Variants in DDX17 observed in about 807,000 individuals in gnomAD.
The protein encoded by DDX17 is probable ATP-dependent RNA helicase DDX17.
DDX17 carries 10 observed loss-of-function variants against 80.8 expected under a neutral mutation model. The ratio of observed to expected loss-of-function variants is 0.12; its 90% CI spans 0.08 to 0.21. The LOEUF is 0.21. Ranked by LOEUF, DDX17 falls within the 10% of genes least tolerant of loss-of-function variation. DDX17 has a pLI of 1.00. For synonymous variants in DDX17, 339 were observed against 336.2 expected, an observed-to-expected ratio of 1.01 and a Z score of -0.09; for missense variants, 586 against 957.4, an observed-to-expected ratio of 0.61 and a Z score of 5.12.
At chr22:38,492,242 A>AT (rs1602674540) in intron 10 of DDX17, 127 bp from the exon 11 acceptor site, 1 of 673,096 alleles carries the variant, frequency 1.5e-6, no homozygotes, top group East Asian at 3.0e-5. Context: ...ACTGACAGTG[A>AT]TTCTTTTGAA....
intron 2 of DDX17, 23 bp downstream of exon 2, chr22:38,501,107 T>C: frequency 6.2e-7 from 1 of 1,610,956 alleles, no homozygotes; most frequent in African/African-American, 1.3e-5. Context: ...AATCTGTACA[T>C]TAAAACACAC....
intron 10 of DDX17, 94 bp from the exon 11 acceptor site, chr22:38,492,209 G>GA: frequency 1.9e-6 from 2 of 1,032,274 alleles, no homozygotes; most frequent in Middle Eastern, 2.1e-4. Flanking sequence ...AATGGTGCCA[G>GA]AAAATCCCAA....
chr22:38,492,164 T>C, intron 10 of DDX17, 49 bp from the exon 11 acceptor site: 1 of 1,505,282 alleles, frequency 6.6e-7, no homozygotes, highest in South Asian at 1.2e-5. Context: ...CCTTGCTATC[T>C]GATCTGTTTA....
chr22:38,502,732 G>A (rs747996850), intron 1 of DDX17, among the ~76,000 whole-genome samples: 8 of 152,076 alleles, frequency 5.3e-5, no homozygotes, highest in Non-Finnish European at 8.8e-5. Flanking sequence ...TCCCTATTTC[G>A]ATCTTGTAAA....
At chr22:38,503,240 A>T (rs1971903008) in intron 1 of DDX17, among the ~76,000 whole-genome samples, 1 of 152,216 alleles carries the variant, frequency 6.6e-6, no homozygotes, top group South Asian at 2.1e-4. Flanking sequence ...TTGCAAATGA[A>T]GCAGCTAAAT....
intron 1 of DDX17, 149 bp from the exon 2 acceptor site, chr22:38,501,429 G>T: frequency 1.0e-6 from 1 of 988,830 alleles, no homozygotes; most frequent in Non-Finnish European, 1.4e-6. Context: ...TTAAAGGTAT[G>T]GAGAAATGTG....
intron 9 of DDX17, 60 bp downstream of exon 9, chr22:38,493,961 A>C: frequency 7.1e-7 from 1 of 1,415,726 alleles, no homozygotes; most frequent in Non-Finnish European, 9.8e-7. Flanking sequence ...TGGAATACCA[A>C]TTTAGAAATT....
At position 38,485,815 on chromosome 22, in the gene DDX17, A is replaced by T. The variant is rs117636312; in HGVS notation, c.*120T>A. On this transcript the variant is annotated 3_prime_UTR_variant, in exon 13 of 13. Transcript: ENST00000403230. ...CAAATCACGATGGTTGGGGGGAAAA[A>T]TTAAAAAAAAAAAAAGAAAAAAGGA... The T allele has an allele frequency of 4.6e-5, 53 of 1,146,172 alleles. No homozygotes were observed. The highest frequency in any genetic ancestry group is 4.9e-5 in the Non-Finnish European group (44 of 898,412). 71.0% of individuals were successfully genotyped at this position (1,146,172 alleles called of 1,614,324 possible).
At position 38,493,434 on chromosome 22, in the gene DDX17, G is replaced by A. The variant is rs2089732193; in HGVS notation, c.1387+276C>T. ...ACTCCTGGGCCTAGGTGATCCACGC[G>A]CCTCAGCCTCCCAAAGTGTTAGGAT... On this transcript the variant is annotated intron_variant, in intron 10 of 12. Coordinates refer to ENST00000403230, the MANE Select transcript of DDX17 (RefSeq NM_006386.5). 15 of 323,918 alleles carry A rather than the reference G, an allele frequency of 4.6e-5. No homozygotes were observed. In the South Asian group the frequency reaches 7.2e-4, roughly 16 times the overall value. The allele number at this position is 323,918 out of a possible 1,614,324, so 20.1% of individuals were successfully genotyped here. A position where few individuals can be genotyped will look rare whatever the true frequency, so the allele number is the denominator to read the frequency against.
Position 38,503,907 on chromosome 22 carries a change from G to C in DDX17, c.287+2044C>G, listed in dbSNP as rs535434770. On this transcript the variant is annotated intron_variant, in intron 1 of 12. Transcript: ENST00000403230. The stretch of plus-strand genomic sequence containing the variant: ...AAGAACATTTCTTGGGAAAGGGAGA[G>C]TTGGGGCACAGATCTTATGAAAGAA... 1.8e-3 allele frequency among the ~76,000 whole-genome samples: 273 copies of C among 152,316 alleles called. 2 individuals carry two copies. Among genetic ancestry groups the C allele is most frequent in the African/African-American group, 5.9e-3 (246 of 41,560 alleles).
intron 4 of DDX17, 49 bp from the exon 5 acceptor site, chr22:38,498,199 T>C (rs2089789818): frequency 6.3e-7 from 1 of 1,576,496 alleles, no homozygotes; most frequent in African/African-American, 1.4e-5. Flanking sequence ...AGTACAATCT[T>C]ACTTAGATAC....
chr22:38,495,074 A>C (rs760887542), intron 6 of DDX17, 28 bp from the exon 7 acceptor site: 2 of 1,602,204 alleles, frequency 1.2e-6, no homozygotes, highest in South Asian at 2.2e-5. Flanking sequence ...TGATCGAGCC[A>C]ATCGACTAGG....
intron 9 of DDX17, 38 bp from the exon 10 acceptor site, chr22:38,493,809 T>C: frequency 6.3e-7 from 1 of 1,596,830 alleles, no homozygotes. Context: ...TAAAAATCTT[T>C]TAAAGTGGAG....
At chr22:38,505,189 C>CT (rs1371378463) in intron 1 of DDX17, 1 of 152,222 alleles carries the variant, frequency 6.6e-6, no homozygotes, top group Non-Finnish European at 1.5e-5. Context: ...GATTACAGGC[C>CT]TGAGGCACCA....
At position 38,486,130 on chromosome 22, in the gene DDX17, G is replaced by A. The variant is rs2089656383; in HGVS notation, c.1995C>T (p.Thr665=). The change falls in exon 13 of 13, where the codon ACC becomes ACT. Residue 665 remains threonine (T), a synonymous_variant. Coordinates refer to ENST00000403230, the MANE Select transcript of DDX17 (RefSeq NM_006386.5). ...TCTGTGAACTTCTCCCAGTTGAGGT[G>A]GTGCTACTAGCTCCATAAGTGCCAG... The A allele has an allele frequency of 1.9e-6, 3 of 1,614,182 alleles. No individual in the cohort carries two copies. Among genetic ancestry groups the A allele is most frequent in the Non-Finnish European group, 2.5e-6 (3 of 1,180,038 alleles).
In DDX17 at chr22:38,506,039, T is replaced by A; in HGVS notation, c.199A>T (p.Ile67Phe). 1.3e-6 allele frequency: 2 copies of A among 1,587,490 alleles called. No individual in the cohort carries two copies. Among genetic ancestry groups the A allele is most frequent in the Non-Finnish European group, 8.6e-7 (1 of 1,167,778 alleles). The change falls in exon 1 of 13, where the codon ATC becomes TTC. Residue 67 changes from isoleucine to phenylalanine, a missense_variant. Physicochemically the swap from Ile to Phe is conservative, Grantham distance 21. Around this residue, in one of 4 missense-constraint regions of DDX17, gnomAD observed 215 missense variants for 238.4 expected, o/e 0.90. Transcript: ENST00000403230. ...TAGAGATCTGGGAGCGGGGCACGGA[T>A]GGCCGGGCTCGGGAGGGCCTGCGGC...
At chr22:38,492,516 C>T (rs1409796840) in intron 10 of DDX17, among the ~76,000 whole-genome samples, 3 of 152,052 alleles carry the variant, frequency 2.0e-5, no homozygotes, top group South Asian at 2.1e-4. Flanking sequence ...GATGGAGTTT[C>T]GCTCTTATTG....
intron 1 of DDX17, among the ~76,000 whole-genome samples, chr22:38,504,115 A>AT (rs1395057851): frequency 6.6e-6 from 1 of 152,220 alleles, no homozygotes; most frequent in Non-Finnish European, 1.5e-5. Context: ...CTATGTGCCT[A>AT]TTTCAAGCTT....
chr22:38,505,832 G>A, intron 1 of DDX17, 119 bp downstream of exon 1: 1 of 1,285,504 alleles, frequency 7.8e-7, no homozygotes, highest in Admixed American at 2.6e-5. Flanking sequence ...GCCTCGAGTC[G>A]CCTCCCCTCG....
Sources: allele counts gnomAD v4.1 joint callset (sites outside exome capture counted in the v4.1 genomes callset), GRCh38; gene constraint gnomAD v4.1.1; regional missense constraint gnomAD v4.1.1; transcripts MANE v1.5; gene names NCBI Gene and HGNC (gene_info 2026-07-23, HGNC 2026-07-21).